SYT13: variants seen among roughly 807,000 people sequenced by gnomAD.
SYT13 encodes synaptotagmin-13.
A neutral mutation model predicts 38.6 loss-of-function variants in SYT13; 21 were observed. The observed-to-expected ratio is 0.54, with a 90% CI of 0.39 to 0.78. SYT13 has a LOEUF of 0.78. SYT13 is among the 30% of genes least tolerant of loss of function. The pLI is 0.00. For missense variants in SYT13, 495 were observed against 548.7 expected (o/e 0.90, Z 0.98); for synonymous variants, 241 against 237.6 (o/e 1.01, Z -0.13).
chr11:45,262,879 C>T (rs1854836616), intron 1 of SYT13, among the ~76,000 whole-genome samples: 1 of 152,142 alleles, frequency 6.6e-6, no homozygotes, highest in African/African-American at 2.4e-5. Context: ...ATGGGAGGAA[C>T]TCGAGCCCTG....
In SYT13 at chr11:45,286,169, C is replaced by A; in HGVS notation, c.39G>T (p.Thr13=). ...CGAGGATGCTGGTGGCTGTGCCCAGCGTGGCGCCCAGCGCGATCACAGGCA... is the reference window on the plus strand; with the variant it reads ...CGAGGATGCTGGTGGCTGTGCCCAGAGTGGCGCCCAGCGCGATCACAGGCA... The part of the protein sequence containing the change: ...LSVPVIALGA[T]LGTATSILAL... Residue 13 remains threonine, a synonymous_variant, in exon 1 of 6, where the codon ACG becomes ACT. Coordinates refer to ENST00000020926, the MANE Select transcript of SYT13 (RefSeq NM_020826.3). 1 of 1,583,338 alleles carries A rather than the reference C, an allele frequency of 6.3e-7. No homozygotes were observed. Among genetic ancestry groups the A allele is most frequent in the Non-Finnish European group, 8.6e-7 (1 of 1,168,406 alleles).
chr11:45,244,883 T>C (rs1343595845), intron 5 of SYT13, among the ~76,000 whole-genome samples: 1 of 152,182 alleles, frequency 6.6e-6, no homozygotes, highest in Non-Finnish European at 1.5e-5. Context: ...CCACCTTTGC[T>C]ACATGACTTC....
Position 45,242,400 on chromosome 11 carries a change from C to A in SYT13, c.*1652G>T, listed in dbSNP as rs1423864249. The A allele has an allele frequency of 2.0e-5, 3 of 152,212 alleles. No individual in the cohort carries two copies. Among genetic ancestry groups the A allele is most frequent in the Non-Finnish European group, 4.4e-5 (3 of 68,076 alleles). 9.4% of individuals were successfully genotyped at this position (152,212 alleles called of 1,614,324 possible). ...CCTGGCCAACATGGTGAAACCCCAT[C>A]TCTACTAAAAGTACAAAAATTAGCC... On this transcript the variant is annotated 3_prime_UTR_variant, in exon 6 of 6. Coordinates refer to ENST00000020926, the MANE Select transcript of SYT13 (RefSeq NM_020826.3).
intron 1 of SYT13, among the ~76,000 whole-genome samples, chr11:45,275,690 A>T (rs994164824): frequency 6.6e-6 from 1 of 152,200 alleles, no homozygotes; most frequent in Non-Finnish European, 1.5e-5. Flanking sequence ...TTGTGTGGGC[A>T]GCAACTGGCC....
chr11:45,251,880 C>A (rs568828859), intron 4 of SYT13, among the ~76,000 whole-genome samples: 6 of 152,218 alleles, frequency 3.9e-5, no homozygotes, highest in Admixed American at 3.3e-4. Context: ...GCCTAGCACA[C>A]GGGGCCTTCT....
intron 1 of SYT13, among the ~76,000 whole-genome samples, chr11:45,273,301 T>A (rs946415640): frequency 6.6e-6 from 1 of 152,086 alleles, no homozygotes; most frequent in African/African-American, 2.4e-5. Flanking sequence ...GCTGAGGATG[T>A]AGCCAGCCCC....
At chr11:45,280,962 A>G (rs1217292227) in intron 1 of SYT13, among the ~76,000 whole-genome samples, 1 of 152,250 alleles carries the variant, frequency 6.6e-6, no homozygotes, top group Non-Finnish European at 1.5e-5. Context: ...TGAGAGACCG[A>G]GATGGGCGGA....
chr11:45,262,770 A>C (rs4755939), intron 1 of SYT13, among the ~76,000 whole-genome samples: 9,194 of 75,620 alleles, frequency 0.12, 658 homozygotes, highest in South Asian at 0.15. Flanking sequence ...CACACACACA[A>C]ATTGAACTGT....
intron 1 of SYT13, among the ~76,000 whole-genome samples, chr11:45,273,513 T>C (rs540173279): frequency 6.9e-6 from 1 of 145,820 alleles, no homozygotes; most frequent in South Asian, 2.2e-4. Context: ...GGGGAAGAAG[T>C]AGGTTTGGGG....
intron 5 of SYT13, among the ~76,000 whole-genome samples, chr11:45,245,725 G>A (rs1854606438): frequency 6.6e-6 from 1 of 152,214 alleles, no homozygotes; most frequent in Non-Finnish European, 1.5e-5. Context: ...TATCCAGAAG[G>A]AAAAACTGAG....
At chr11:45,268,595 G>A (rs1219917023) in intron 1 of SYT13, among the ~76,000 whole-genome samples, 1 of 152,202 alleles carries the variant, frequency 6.6e-6, no homozygotes, top group Admixed American at 6.5e-5. Flanking sequence ...TCCCCACTTA[G>A]AGGAAGAAAC....
intron 1 of SYT13, among the ~76,000 whole-genome samples, chr11:45,260,799 G>A (rs1416142385): frequency 6.6e-6 from 1 of 152,136 alleles, no homozygotes; most frequent in African/African-American, 2.4e-5. Flanking sequence ...CGCCTCACCT[G>A]TCCCTGGGAC....
intron 1 of SYT13, among the ~76,000 whole-genome samples, chr11:45,259,210 C>T (rs1004278983): frequency 6.6e-6 from 1 of 152,276 alleles, no homozygotes; most frequent in East Asian, 1.9e-4. Context: ...TGCTGGGCCT[C>T]AGCACACACC....
chr11:45,260,502 A>C (rs1165324670), intron 1 of SYT13, among the ~76,000 whole-genome samples: 1 of 152,200 alleles, frequency 6.6e-6, no homozygotes, highest in Non-Finnish European at 1.5e-5. Context: ...GGAGGTGCTC[A>C]GGGTAGCAGG....
Position 45,286,069 on chromosome 11 carries a change from C to T in SYT13, c.139G>A (p.Asp47Asn). ...AAGCTGGGCTTCGCCTTCTCCAGGT[C>T]GGGGTCCTGGTCCCGCGGCAGCAGC... The part of the protein sequence containing the change: ...KGLLPRDQDP[D>N]LEKAKPSLLG... The change falls in exon 1 of 6, where the codon GAC (aspartate) becomes AAC (asparagine). Residue 47 changes from aspartate (D) to asparagine (N), a missense_variant. Transcript: ENST00000020926. 6.2e-7 allele frequency: 1 copy of T among 1,609,760 alleles called. No individual in the cohort carries two copies. The highest frequency in any genetic ancestry group is 8.5e-7 in the Non-Finnish European group (1 of 1,179,500).
rs143338971 is a variant in SYT13 at position 45,284,177 on chromosome 11, T to A, written c.183+1848A>T. Among the ~76,000 whole-genome samples the A allele has an allele frequency of 9.1e-4, 139 of 152,308 alleles. 1 individual carries two copies. Among genetic ancestry groups the A allele is most frequent in the East Asian group, 5.0e-3 (26 of 5,174 alleles). On this transcript the variant is annotated intron_variant, in intron 1 of 5. Coordinates refer to ENST00000020926, the MANE Select transcript of SYT13 (RefSeq NM_020826.3). ...CTGCTGATGAAGAAAGAAACTGGCA[T>A]GAGCTTGGCTGGAGAGGCAGGCACC...
Position 45,252,362 on chromosome 11 carries a change from T to A in SYT13, c.846+59A>T, listed in dbSNP as rs1167178445. 1 of 1,497,524 alleles carries A rather than the reference T, an allele frequency of 6.7e-7. No individual in the cohort carries two copies. The highest frequency in any genetic ancestry group is 2.1e-5 in the Admixed American group (1 of 47,642). The allele number at this position is 1,497,524 out of a possible 1,614,324, so 92.8% of individuals were successfully genotyped here. A position where few individuals can be genotyped will look rare whatever the true frequency, so the allele number is the denominator to read the frequency against. ...ACTGAGTTGCTGGGAGGACACCAGG[T>A]TCTGCCATCCCATGCTGCACGGGCA... On this transcript the variant is annotated intron_variant, in intron 4 of 5. Coordinates refer to ENST00000020926, the MANE Select transcript of SYT13 (RefSeq NM_020826.3). The surrounding 1 kb of genome is among the most constrained non-coding windows in gnomAD (Gnocchi z 4.3).
Position 45,286,041 on chromosome 11 carries a change from A to G in SYT13, c.167T>C (p.Leu56Pro). Residue 56 changes from leucine to proline, a missense_variant, in exon 1 of 6, where the codon CTC becomes CCC. Leu to Pro is a moderately conservative substitution (Grantham distance 98). Coordinates refer to ENST00000020926, the MANE Select transcript of SYT13 (RefSeq NM_020826.3). ...CCCGCTCACCTGTTGTGCAGACCCG[A>G]GCAAGCTGGGCTTCGCCTTCTCCAG... ...PDLEKAKPSL[L>P]GSAQQFNVKK... The G allele has an allele frequency of 6.2e-7, 1 of 1,608,838 alleles. No individual in the cohort carries two copies. Among genetic ancestry groups the G allele is most frequent in the Admixed American group, 1.7e-5 (1 of 59,862 alleles).
At chr11:45,255,464 C>T (rs1356246233) in intron 2 of SYT13, among the ~76,000 whole-genome samples, 7 of 152,162 alleles carry the variant, frequency 4.6e-5, no homozygotes, top group African/African-American at 1.7e-4. Flanking sequence ...GGAAAGTTGG[C>T]GGTCTGGGGG....
Sources: gnomAD v4.1 joint callset for allele counts (sites outside exome capture counted in the v4.1 genomes callset) on GRCh38, gnomAD v4.1.1 for gene constraint, Gnocchi (gnomAD v3.1) non-coding constraint, MANE v1.5 for transcripts, NCBI Gene and HGNC (gene_info 2026-07-23, HGNC 2026-07-21) for gene names.